The following NUP214 variants were observed in gnomAD, a reference collection of about 807,000 sequenced individuals.
NUP214 encodes nucleoporin 214.
A neutral mutation model predicts 196.2 loss-of-function variants in NUP214; 79 were observed. The ratio of observed to expected loss-of-function variants is 0.40; its 90% CI spans 0.34 to 0.49. The LOEUF is 0.49. Ranked by LOEUF, NUP214 falls within the 20% of genes least tolerant of loss-of-function variation. The pLI, the probability that NUP214 is intolerant of heterozygous loss-of-function variation, is 0.58. For synonymous variants in NUP214, 1,020 were observed against 990.5 expected, an observed-to-expected ratio of 1.03 and a Z score of -0.56; for missense variants, 2,468 against 2,539.0, an observed-to-expected ratio of 0.97 and a Z score of 0.60.
At chr9:131,163,384 A>C (rs1211548111) in intron 19 of NUP214, 1 of 538,154 alleles carries the variant, frequency 1.9e-6, no homozygotes, top group Non-Finnish European at 3.2e-6. Flanking sequence ...TGGAGAGTTA[A>C]ATTAAGTCTG....
chr9:131,168,543 G>T (rs946028359), intron 21 of NUP214, among the ~76,000 whole-genome samples: 9 of 152,126 alleles, frequency 5.9e-5, no homozygotes, highest in African/African-American at 1.9e-4. Context: ...CCACTGATCT[G>T]CTTTCTTTCT....
chr9:131,159,629 G>C, intron 18 of NUP214, 143 bp downstream of exon 18: 1 of 691,014 alleles, frequency 1.4e-6, no homozygotes, highest in Non-Finnish European at 2.5e-6. Flanking sequence ...AGGCCGAGGC[G>C]AGTGGATCAC....
chr9:131,147,721 A>G, intron 14 of NUP214, 137 bp downstream of exon 14: 1 of 672,486 alleles, frequency 1.5e-6, no homozygotes, highest in Non-Finnish European at 2.6e-6. Context: ...AGTAAATACC[A>G]AAGTGCGAGG....
At chr9:131,194,168 C>CGTGTGTGTGTGTGTGTGTGT (rs555926078) in intron 27 of NUP214, 13 of 142,816 alleles carry the variant, frequency 9.1e-5, no homozygotes, top group African/African-American at 3.4e-4. Flanking sequence ...TTGAACTTTG[C>CGTGTGTGTGTGTGTGTGTGT]GTGTGTGTGT....
intron 24 of NUP214, among the ~76,000 whole-genome samples, chr9:131,183,646 GT>G (rs1833354771): frequency 6.6e-6 from 1 of 152,048 alleles, no homozygotes; most frequent in African/African-American, 2.4e-5. Context: ...TAGATTGGCA[GT>G]TTTTTTCTTT....
chr9:131,215,277 C>A lies in NUP214; in HGVS notation c.5658C>A (p.Phe1886Leu). ...SGNTGRGGGF[F>L]SGLGGKPSQD... Reference sequence around the variant, plus strand: ...ACACTGGAAGAGGGGGAGGTTTCTTCAGTGGCCTTGGAGGAAAACCCAGTC... The same window carrying A: ...ACACTGGAAGAGGGGGAGGTTTCTTAAGTGGCCTTGGAGGAAAACCCAGTC... The change falls in exon 31 of 36, where the codon TTC becomes TTA. Residue 1886 changes from phenylalanine to leucine, a missense_variant. Phe to Leu is a conservative substitution (Grantham distance 22, BLOSUM62 0). Transcript: ENST00000359428. The A allele has an allele frequency of 6.2e-7, 1 of 1,607,342 alleles. No homozygotes were observed. The highest frequency in any genetic ancestry group is 8.5e-7 in the Non-Finnish European group (1 of 1,176,814).
chr9:131,223,727 A>ATTTATTTATTTATTTTTTTTTT lies in NUP214; in HGVS notation c.5902+800_5902+801insATTTATTTATTTTTTTTTTTTT. ...TTTTTTTATTTTTATTTATTTATTT[A>ATTTATTTATTTATTTTTTTTTT]TTTTTTTTTTTTTTTTTTTTTTTTT... is the stretch of plus-strand genomic sequence containing the variant. On this transcript the variant is annotated intron_variant, in intron 32 of 35. Transcript: ENST00000359428. Among the ~76,000 whole-genome samples, 10 of 15,658 alleles carry ATTTATTTATTTATTTTTTTTTT rather than the reference A, an allele frequency of 6.4e-4. 1 individual carries two copies. The highest frequency in any genetic ancestry group is 9.8e-3 in the East Asian group (2 of 204). 10.3% of individuals were successfully genotyped at this position (15,658 alleles called of 152,430 possible).
At chr9:131,210,080 G>C (rs941510319) in intron 30 of NUP214, among the ~76,000 whole-genome samples, 3 of 152,158 alleles carry the variant, frequency 2.0e-5, no homozygotes, top group African/African-American at 7.2e-5. Flanking sequence ...GACGAAATGG[G>C]AGCTCTCACT....
rs1266609244 is a variant in NUP214, at chr9:131,175,620, A to G, written c.3318A>G (p.Pro1106=). The G allele has an allele frequency of 3.7e-6, 6 of 1,614,136 alleles. No individual in the cohort carries two copies. In the East Asian group the frequency reaches 8.9e-5, roughly 24 times the overall value. The change falls in exon 23 of 36, where the codon CCA becomes CCG. Residue 1106 remains proline, a splice_region_variant and synonymous_variant. Transcript: ENST00000359428. ...GGCGGCAGATGGCCAGTCAGGCACC[A>G]GGTAAAAGCTGTAGCCCCATACCTG... The part of the protein sequence containing the change: ...ALRRQMASQA[P]AVNTLTESTL...
rs757100582 is a variant in NUP214 at position 131,201,658 on chromosome 9, A to T, written c.5533A>T (p.Ser1845Cys). Residue 1845 changes from serine (S) to cysteine (C), a missense_variant, in exon 30 of 36, where the codon AGT (serine) becomes TGT (cysteine). By Grantham distance (112) the Ser-to-Cys change is moderately radical (BLOSUM62 -1). This residue lies in a region of NUP214 where 7 missense variants were observed against 22.5 expected (regional missense o/e 0.31). Coordinates refer to ENST00000359428, the MANE Select transcript of NUP214 (RefSeq NM_005085.4). ...TTTGTATTTTACAGGTTTTGGGTCT[A>T]GTAATACTGGTTCTGTGTTTGGTCA... ...SFCQASGFGSSNTGSVFGQAA... is the reference protein window; with the variant it reads ...SFCQASGFGSCNTGSVFGQAA... 31 of 1,613,676 alleles carry T rather than the reference A, an allele frequency of 1.9e-5. No individual in the cohort carries two copies. Among genetic ancestry groups the T allele is most frequent in the Admixed American group, 3.3e-5 (2 of 60,002 alleles).
At chr9:131,157,468 T>TG (rs1444213326) in intron 17 of NUP214, among the ~76,000 whole-genome samples, 2 of 142,516 alleles carry the variant, frequency 1.4e-5, no homozygotes, top group Non-Finnish European at 3.1e-5. Context: ...CGTTTTTTTT[T>TG]TTTTTTTTTT....
At chr9:131,223,798 A>G (rs1488621267) in intron 32 of NUP214, among the ~76,000 whole-genome samples, 6 of 122,160 alleles carry the variant, frequency 4.9e-5, no homozygotes, top group Admixed American at 9.9e-5. Context: ...GCAGTGGCGC[A>G]ATCTCGGCTC....
chr9:131,145,315 T>C (rs138917749), intron 12 of NUP214, among the ~76,000 whole-genome samples: 2 of 152,318 alleles, frequency 1.3e-5, no homozygotes, highest in South Asian at 2.1e-4. Flanking sequence ...TTTACTTCTT[T>C]ATCTTGTTCT....
At chr9:131,187,576 G>A (rs1201522595) in intron 25 of NUP214, among the ~76,000 whole-genome samples, 5 of 152,148 alleles carry the variant, frequency 3.3e-5, no homozygotes, top group Admixed American at 2.6e-4. Flanking sequence ...TAGTAGAGAC[G>A]CGGTTTCACC....
At chr9:131,152,981 A>G (rs988080397) in intron 17 of NUP214, among the ~76,000 whole-genome samples, 1 of 152,044 alleles carries the variant, frequency 6.6e-6, no homozygotes, top group African/African-American at 2.4e-5. Flanking sequence ...TCACTACATT[A>G]TCCAGGCTGG....
At chr9:131,216,848 G>A (rs977264192) in intron 31 of NUP214, among the ~76,000 whole-genome samples, 1 of 152,144 alleles carries the variant, frequency 6.6e-6, no homozygotes, top group Non-Finnish European at 1.5e-5. Context: ...TTGTTGACCT[G>A]TGTATTCATG....
At chr9:131,135,904 AT>A in intron 8 of NUP214, 35 bp from the exon 9 acceptor site, 2 of 1,581,450 alleles carry the variant, frequency 1.3e-6, no homozygotes, top group African/African-American at 2.7e-5. Context: ...CTATTGCTGT[AT>A]TTGAACGTAA....
chr9:131,196,657 A>G (rs1410162640), intron 28 of NUP214, among the ~76,000 whole-genome samples: 1 of 152,222 alleles, frequency 6.6e-6, no homozygotes, highest in Non-Finnish European at 1.5e-5. Context: ...GGCAGAGTGC[A>G]TAGCTCCAGA....
chr9:131,231,762 G>A (rs1427504186), intron 34 of NUP214, among the ~76,000 whole-genome samples: 1 of 151,960 alleles, frequency 6.6e-6, no homozygotes, highest in Non-Finnish European at 1.5e-5. Context: ...CAGAATTTAG[G>A]TATCATTACA....
Sources: gnomAD v4.1 joint callset for allele counts (sites outside exome capture counted in the v4.1 genomes callset) on GRCh38, gnomAD v4.1.1 for gene constraint, gnomAD v4.1.1 regional missense constraint, MANE v1.5 for transcripts, NCBI Gene and HGNC (gene_info 2026-07-23, HGNC 2026-07-21) for gene names.